CDH19: variants seen among roughly 807,000 people sequenced by gnomAD.
CDH19 encodes cadherin 19, also known as cadherin-19.
In CDH19, 67 loss-of-function variants were observed where a neutral mutation model predicts 64.2. That is an observed-to-expected ratio of 1.04 (90% CI 0.86 to 1.28). The LOEUF is 1.28. CDH19 is among the 50% of genes most tolerant of loss of function. The pLI, the probability that CDH19 is intolerant of heterozygous loss-of-function variation, is 0.00. For missense variants in CDH19, 1,030 were observed against 929.0 expected (o/e 1.11, Z -1.41); for synonymous variants, 346 against 319.3 (o/e 1.08, Z -0.89).
chr18:66,542,038 G>T (rs998090637), intron 7 of CDH19, among the ~76,000 whole-genome samples: 1 of 152,012 alleles, frequency 6.6e-6, no homozygotes, highest in Non-Finnish European at 1.5e-5. Flanking sequence ...AAAATTAACA[G>T]TTTTCAATAC....
chr18:66,541,346 TA>T (rs1986878736), intron 7 of CDH19, among the ~76,000 whole-genome samples: 2 of 145,918 alleles, frequency 1.4e-5, no homozygotes, highest in South Asian at 4.6e-4. Context: ...AATATCCTAA[TA>T]TTTTTTCTGG....
rs1204523454 is a variant in CDH19 at position 66,588,612 on chromosome 18, ATCTATATC to A, written c.-113+15334_-113+15341del. On this transcript the variant is annotated intron_variant, in intron 1 of 11. Transcript: ENST00000262150. ...TTACTCATTTTTACTAATCATATAT[ATCTATATC>A]TATATCTATATATATATAGATACAG... 4.2e-4 allele frequency among the ~76,000 whole-genome samples: 57 copies of A among 134,598 alleles called. 7 individuals are homozygous for A. The highest frequency in any genetic ancestry group is 7.9e-3 in the Middle Eastern group (2 of 252). 88.3% of individuals were successfully genotyped at this position (134,598 alleles called of 152,430 possible).
intron 8 of CDH19, 121 bp downstream of exon 8, chr18:66,534,865 T>C (rs1352702462): frequency 1.7e-6 from 1 of 599,588 alleles, no homozygotes; most frequent in Non-Finnish European, 2.7e-6. Flanking sequence ...CACATTTACA[T>C]TGAATGTCAT....
chr18:66,548,261 A>T (rs56063156), intron 5 of CDH19, among the ~76,000 whole-genome samples: 24,976 of 71,152 alleles, frequency 0.35, 2,264 homozygotes, highest in South Asian at 0.51. Flanking sequence ...ATATATATAT[A>T]TTTTTTTAAA....
chr18:66,544,131 C>T lies in CDH19; in HGVS notation c.1054G>A (p.Ala352Thr). The T allele has an allele frequency of 6.2e-7, 1 of 1,613,920 alleles. No individual in the cohort carries two copies. Among genetic ancestry groups the T allele is most frequent in the Non-Finnish European group, 8.5e-7 (1 of 1,179,888 alleles). Residue 352 changes from alanine (A) to threonine (T), a missense_variant, in exon 7 of 12, where the codon GCT (alanine) becomes ACT (threonine). Coordinates refer to ENST00000262150, the MANE Select transcript of CDH19 (RefSeq NM_021153.4). ...TGGATCTTAATGAAAGTGGTGGAAG[C>T]CTCAGTGTGGTACTTCATGAGCTGC... ...PEQLMKYHTE[A>T]STTFIKIQVE...
intron 1 of CDH19, among the ~76,000 whole-genome samples, chr18:66,601,312 TCC>T (rs1336981394): frequency 1.3e-5 from 2 of 151,910 alleles, no homozygotes; most frequent in African/African-American, 4.8e-5. Context: ...TTTGCTCATT[TCC>T]ACAGGAATGA....
In CDH19 at chr18:66,595,086, T is replaced by G. The variant is rs142714631; in HGVS notation, c.-113+8868A>C. On this transcript the variant is annotated intron_variant, in intron 1 of 11. Transcript: ENST00000262150. ...ACATGGAAATTAAACAAATTGCTCC[T>G]GAACGACCTTCAGGTCAACAATGAA... Among the ~76,000 whole-genome samples the G allele has an allele frequency of 1.9e-3, 281 of 151,682 alleles. 3 individuals are homozygous for G. Among genetic ancestry groups the G allele is most frequent in the African/African-American group, 6.5e-3 (270 of 41,438 alleles).
intron 1 of CDH19, among the ~76,000 whole-genome samples, chr18:66,585,892 T>C (rs762409923): frequency 1.3e-5 from 2 of 152,082 alleles, no homozygotes; most frequent in Non-Finnish European, 2.9e-5. Context: ...CATGGACATA[T>C]ATAAGCTGAA....
At chr18:66,593,194 A>ACC (rs1473284088) in intron 1 of CDH19, among the ~76,000 whole-genome samples, 1 of 151,868 alleles carries the variant, frequency 6.6e-6, no homozygotes. Context: ...GCCTTAGTTC[A>ACC]TAAATTCTTG....
Position 66,504,891 on chromosome 18 carries a change from T to C in CDH19, c.2240A>G (p.Tyr747Cys), listed in dbSNP as rs1249750026. Residue 747 changes from tyrosine (Y) to cysteine (C), a missense_variant, in exon 12 of 12, where the codon TAT (tyrosine) becomes TGT (cysteine). Coordinates refer to ENST00000262150, the MANE Select transcript of CDH19 (RefSeq NM_021153.4). ...AGGTCCCAACTCATTAAGGTAATCA[T>C]AGCTTTCATCCTGATCAGAGACTGC... The part of the protein sequence containing the change: ...ESAVSDQDES[Y>C]DYLNELGPRF... 3 of 1,613,258 alleles carry C rather than the reference T, an allele frequency of 1.9e-6. No homozygotes were observed. The highest frequency in any genetic ancestry group is 2.7e-5 in the African/African-American group (2 of 74,862).
At chr18:66,587,658 G>T (rs550755326) in intron 1 of CDH19, among the ~76,000 whole-genome samples, 1 of 152,080 alleles carries the variant, frequency 6.6e-6, no homozygotes, top group Non-Finnish European at 1.5e-5. Flanking sequence ...ATGAATAATT[G>T]TCTCGTCTTT....
chr18:66,596,769 C>T (rs1206739612), intron 1 of CDH19, among the ~76,000 whole-genome samples: 1 of 151,960 alleles, frequency 6.6e-6, no homozygotes, highest in Non-Finnish European at 1.5e-5. Flanking sequence ...CTACCAAAGA[C>T]ATTCATCACA....
chr18:66,581,602 C>T (rs557202653), intron 1 of CDH19, among the ~76,000 whole-genome samples: 90 of 152,190 alleles, frequency 5.9e-4, no homozygotes, highest in Non-Finnish European at 1.2e-3. Context: ...TCATCTTCCT[C>T]CTGTGCTGGA....
chr18:66,574,212 T>C (rs1057395522), intron 1 of CDH19, among the ~76,000 whole-genome samples: 1 of 151,664 alleles, frequency 6.6e-6, no homozygotes, highest in African/African-American at 2.4e-5. Flanking sequence ...GTATCACTGT[T>C]GTGTGATTCA....
At chr18:66,537,826 G>GA (rs1986733409) in intron 7 of CDH19, among the ~76,000 whole-genome samples, 1 of 151,892 alleles carries the variant, frequency 6.6e-6, no homozygotes. Flanking sequence ...TAGGTCCTTT[G>GA]AGCAGACATC....
chr18:66,544,490 T>C lies in CDH19; in HGVS notation c.960+229A>G, dbSNP rs188493429. Among the ~76,000 whole-genome samples the C allele has an allele frequency of 4.6e-4, 70 of 152,086 alleles. 2 individuals are homozygous for C. Among genetic ancestry groups the C allele is most frequent in the Middle Eastern group, 3.4e-3 (1 of 294 alleles). On this transcript the variant is annotated intron_variant, in intron 6 of 11. Coordinates refer to ENST00000262150, the MANE Select transcript of CDH19 (RefSeq NM_021153.4). ...AACTGAGAATTAATTTCCTAGTATT[T>C]AAGATATTTTCCAAAAAGTTTTATT...
chr18:66,509,046 A>C lies in CDH19; in HGVS notation c.1777T>G (p.Phe593Val), dbSNP rs1175659199. The C allele has an allele frequency of 6.2e-7, 1 of 1,612,928 alleles. No homozygotes were observed. Among genetic ancestry groups the C allele is most frequent in the Non-Finnish European group, 8.5e-7 (1 of 1,179,300 alleles). Reference protein sequence around the residue: ...QYQELVLSMGFKTEVIIAILI... With the variant: ...QYQELVLSMGVKTEVIIAILI... Reference sequence around the variant, plus strand: ...ATAGCAATGATGACTTCTGTCTTGAATCCCATGGAAAGCACAAGCTCCTGG... The same window carrying C: ...ATAGCAATGATGACTTCTGTCTTGACTCCCATGGAAAGCACAAGCTCCTGG... Residue 593 changes from phenylalanine to valine, a missense_variant, in exon 11 of 12, where the codon TTC (phenylalanine) becomes GTC (valine). Physicochemically the swap from Phe to Val is conservative, Grantham distance 50 (BLOSUM62 -1). Transcript: ENST00000262150.
Position 66,505,222 on chromosome 18 carries a change from T to G in CDH19, c.1909A>C (p.Asn637His). The G allele has an allele frequency of 6.2e-7, 1 of 1,608,968 alleles. No homozygotes were observed. Among genetic ancestry groups the G allele is most frequent in the Non-Finnish European group, 8.5e-7 (1 of 1,178,268 alleles). ...FPEKSEDFRE[N>H]IFQYDDEGGG... is the part of the protein sequence containing the mutation. ...CCTTCATCATCATATTGGAATATAT[T>G]CTCTCTGAAATCTTCACTTTTCTCA... Residue 637 changes from asparagine (N) to histidine (H), a missense_variant, in exon 12 of 12, where the codon AAT (asparagine) becomes CAT (histidine). Asn to His is a moderately conservative substitution (Grantham distance 68). Transcript: ENST00000262150.
chr18:66,571,403 G>T (rs1988098936), intron 2 of CDH19, among the ~76,000 whole-genome samples: 1 of 151,586 alleles, frequency 6.6e-6, no homozygotes, highest in African/African-American at 2.4e-5. Context: ...AAAAGGACAT[G>T]ATATTGTAAT....
Sources: allele counts gnomAD v4.1 joint callset (sites outside exome capture counted in the v4.1 genomes callset), GRCh38; gene constraint gnomAD v4.1.1; transcripts MANE v1.5; gene names NCBI Gene and HGNC (gene_info 2026-07-23, HGNC 2026-07-21).